The following CALN1 variants were observed in gnomAD, a reference collection of about 807,000 sequenced individuals.
CALN1 encodes the protein calneuron 1, also known as calcium-binding protein 8.
CALN1 carries 17 observed loss-of-function variants against 30.6 expected under a neutral mutation model. The ratio of observed to expected loss-of-function variants is 0.56; its 90% CI spans 0.38 to 0.83. The LOEUF is 0.83. CALN1 is among the 40% of genes least tolerant of loss of function. CALN1 has a pLI of 0.00. For synonymous variants in CALN1, 156 were observed against 131.4 expected (o/e 1.19, Z -1.28); for missense variants, 291 against 354.9 (o/e 0.82, Z 1.45).
chr7:72,012,188 C>T (rs756065419), intron 5 of CALN1, among the ~76,000 whole-genome samples: 1 of 152,186 alleles, frequency 6.6e-6, no homozygotes, highest in Non-Finnish European at 1.5e-5. Context: ...GGCTGAAGTA[C>T]CAGCCATGAG....
At chr7:72,163,392 T>TAAAAAA (rs55881217) in intron 3 of CALN1, among the ~76,000 whole-genome samples, 112 of 79,204 alleles carry the variant, frequency 1.4e-3, no homozygotes, top group African/African-American at 5.9e-3. Flanking sequence ...TATTGGAGAT[T>TAAAAAA]AAAAAAAAAA....
At chr7:72,020,970 G>A (rs2086690795) in intron 5 of CALN1, among the ~76,000 whole-genome samples, 1 of 152,146 alleles carries the variant, frequency 6.6e-6, no homozygotes, top group Non-Finnish European at 1.5e-5. Context: ...TGGAGGTAAA[G>A]AGTAGGAAGC....
chr7:72,051,602 CAA>C (rs1802842523), intron 4 of CALN1, among the ~76,000 whole-genome samples: 1 of 152,134 alleles, frequency 6.6e-6, no homozygotes. Flanking sequence ...AACTCTCATA[CAA>C]AAATACACAA....
intron 4 of CALN1, among the ~76,000 whole-genome samples, chr7:72,076,654 A>AAAAC (rs1804765707): frequency 9.4e-6 from 1 of 106,248 alleles, no homozygotes; most frequent in Non-Finnish European, 1.8e-5. Context: ...AAAAGCAAAG[A>AAAAC]CATGCCCTCC....
intron 3 of CALN1, among the ~76,000 whole-genome samples, chr7:72,182,648 AGGT>A (rs1789896522): frequency 1.3e-5 from 2 of 151,680 alleles, no homozygotes; most frequent in Admixed American, 1.3e-4. Context: ...TGAACCTGGG[AGGT>A]GGAGGTTGCA....
chr7:71,994,016 A>G (rs1018955775), intron 5 of CALN1, among the ~76,000 whole-genome samples: 2 of 152,206 alleles, frequency 1.3e-5, no homozygotes, highest in African/African-American at 2.4e-5. Context: ...AATTTTATTC[A>G]TAAAGTTAAT....
At chr7:71,860,593 C>T (rs1460042657) in intron 5 of CALN1, among the ~76,000 whole-genome samples, 2 of 152,190 alleles carry the variant, frequency 1.3e-5, no homozygotes, top group Non-Finnish European at 2.9e-5. Flanking sequence ...GGAACCCTCT[C>T]TTGGGGGCTG....
At chr7:72,153,057 G>A (rs757103954) in intron 3 of CALN1, among the ~76,000 whole-genome samples, 19 of 152,122 alleles carry the variant, frequency 1.2e-4, no homozygotes, top group Admixed American at 3.9e-4. Context: ...GGGCTCCCCC[G>A]GCTACCAGAA....
chr7:71,803,639 T>A (rs1195991272), intron 6 of CALN1, among the ~76,000 whole-genome samples: 1 of 152,102 alleles, frequency 6.6e-6, no homozygotes, highest in Admixed American at 6.5e-5. Context: ...CACACCCAGC[T>A]AATTTTTGTA....
chr7:72,170,611 G>T (rs1457777609), intron 3 of CALN1, among the ~76,000 whole-genome samples: 1 of 152,196 alleles, frequency 6.6e-6, no homozygotes, highest in Non-Finnish European at 1.5e-5. Flanking sequence ...CGCACATAAA[G>T]AGAGTCCTAC....
At chr7:72,319,260 C>T (rs966420744) in intron 2 of CALN1, among the ~76,000 whole-genome samples, 2 of 152,162 alleles carry the variant, frequency 1.3e-5, no homozygotes, top group African/African-American at 2.4e-5. Flanking sequence ...GAAAGAGGTT[C>T]CACAGACTCA....
intron 1 of CALN1, among the ~76,000 whole-genome samples, chr7:72,446,281 C>T (rs1808523907): frequency 1.3e-5 from 2 of 152,136 alleles, no homozygotes; most frequent in South Asian, 4.1e-4. Context: ...TTCTCTGAGC[C>T]CAAGTACAAT....
In CALN1 at chr7:72,293,853, T is replaced by C. The variant is rs142807447; in HGVS notation, c.120-15043A>G. On this transcript the variant is annotated intron_variant, in intron 2 of 6. Coordinates refer to ENST00000395275, the MANE Select transcript of CALN1 (RefSeq NM_031468.4). ...GGCTCACACCTGTAATCCCAGCACT[T>C]TGGGAGGCCAAGGCAGGCAGATCAC... Among the ~76,000 whole-genome samples, 350 of 152,190 alleles carry C rather than the reference T, an allele frequency of 2.3e-3. 1 individual carries two copies. Among genetic ancestry groups the C allele is most frequent in the African/African-American group, 8.2e-3 (342 of 41,522 alleles).
rs374850242 is a variant in CALN1 at position 72,390,663 on chromosome 7, ACTATTTTACTATCATGTTCCCACTGTCCC to A, written c.119+12559_119+12587del. ...GGAATTAGCAATGCCCGACTGTGCCACTATTTTACTATCATGTTCCCACTGTCCCAATTACTTTGAAATGTTGTTTATGC... is the reference window on the plus strand; with the variant it reads ...GGAATTAGCAATGCCCGACTGTGCCAAATTACTTTGAAATGTTGTTTATGC... On this transcript the variant is annotated intron_variant, in intron 2 of 6. Coordinates refer to ENST00000395275, the MANE Select transcript of CALN1 (RefSeq NM_031468.4). 2.8e-4 allele frequency among the ~76,000 whole-genome samples: 43 copies of A among 152,336 alleles called. 1 individual carries two copies. Among genetic ancestry groups the A allele is most frequent in the African/African-American group, 9.6e-4 (40 of 41,584 alleles).
chr7:71,839,507 G>C (rs998026495), intron 5 of CALN1, among the ~76,000 whole-genome samples: 1 of 152,208 alleles, frequency 6.6e-6, no homozygotes, highest in Non-Finnish European at 1.5e-5. Context: ...ACTCCAGCCT[G>C]GGTGACAGAG....
chr7:72,028,391 T>C, intron 4 of CALN1, among the ~76,000 whole-genome samples: 1 of 152,122 alleles, frequency 6.6e-6, no homozygotes, highest in East Asian at 1.9e-4. Flanking sequence ...TGCTCACAGA[T>C]GGTGCACTTG....
intron 2 of CALN1, among the ~76,000 whole-genome samples, chr7:72,307,013 G>C (rs1799702388): frequency 6.6e-6 from 1 of 152,220 alleles, no homozygotes; most frequent in South Asian, 2.1e-4. Flanking sequence ...ACACAGTTCA[G>C]TCCACAGCAC....
At chr7:71,960,821 A>C (rs925172175) in intron 5 of CALN1, among the ~76,000 whole-genome samples, 1 of 151,976 alleles carries the variant, frequency 6.6e-6, no homozygotes, top group Non-Finnish European at 1.5e-5. Flanking sequence ...TTTTATTCTA[A>C]TTTAATTGTT....
chr7:71,956,898 T>C (rs1796987919), intron 5 of CALN1, among the ~76,000 whole-genome samples: 1 of 151,894 alleles, frequency 6.6e-6, no homozygotes, highest in African/African-American at 2.4e-5. Flanking sequence ...GGTTTCACCA[T>C]GTTGGCCAGT....
Sources: allele counts gnomAD v4.1 joint callset (sites outside exome capture counted in the v4.1 genomes callset), GRCh38; gene constraint gnomAD v4.1.1; transcripts MANE v1.5; gene names NCBI Gene and HGNC (gene_info 2026-07-23, HGNC 2026-07-21).